The following PRKN variants were observed in gnomAD, a reference collection of about 807,000 sequenced individuals.
PRKN encodes the protein parkin RBR E3 ubiquitin protein ligase.
PRKN carries 56 observed loss-of-function variants against 59.5 expected under a neutral mutation model. The ratio of observed to expected loss-of-function variants is 0.94; its 90% CI spans 0.76 to 1.18. The LOEUF is 1.18. Among genes scored for constraint, PRKN ranks in the 50% most tolerant of loss-of-function variants. PRKN has a pLI of 0.00. For missense variants in PRKN, 657 were observed against 596.4 expected (o/e 1.10, Z -1.06); for synonymous variants, 250 against 222.1 (o/e 1.13, Z -1.12).
intron 4 of PRKN, among the ~76,000 whole-genome samples, chr6:162,163,657 A>G (rs1472988567): frequency 1.3e-5 from 2 of 149,204 alleles, no homozygotes; most frequent in African/African-American, 2.5e-5. Flanking sequence ...AAAGGATCAC[A>G]ACACATTGCA....
chr6:161,943,273 CA>C (rs922792957), intron 6 of PRKN, among the ~76,000 whole-genome samples: 1 of 151,902 alleles, frequency 6.6e-6, no homozygotes, highest in East Asian at 1.9e-4. Context: ...TCAAATAAGA[CA>C]AAAAAAATTA....
chr6:161,988,521 T>TA (rs1231918067), intron 5 of PRKN, among the ~76,000 whole-genome samples: 1 of 151,450 alleles, frequency 6.6e-6, no homozygotes, highest in Non-Finnish European at 1.5e-5. Context: ...AATAAATAAA[T>TA]AAAAAGAAAA....
chr6:162,200,313 C>T (rs904226562), intron 4 of PRKN, among the ~76,000 whole-genome samples: 1 of 152,078 alleles, frequency 6.6e-6, no homozygotes, highest in East Asian at 1.9e-4. Flanking sequence ...CACTTTCTAT[C>T]GGGGTCAGCA....
rs137998460 is a variant in PRKN, at chr6:161,518,084, G to A, written c.1083+30770C>T. 4.1e-3 allele frequency among the ~76,000 whole-genome samples: 629 copies of A among 152,304 alleles called. 5 individuals carry two copies. Among genetic ancestry groups the A allele is most frequent in the African/African-American group, 0.014 (575 of 41,570 alleles). ...ATTTGGCTTCTATGAGGGCATGTGC[G>A]AGTCTAGCTCTCCAGATACCTTAGA... is the stretch of plus-strand genomic sequence containing the variant. On this transcript the variant is annotated intron_variant, in intron 9 of 11. Coordinates refer to ENST00000366898, the MANE Select transcript of PRKN (RefSeq NM_004562.3). The surrounding 1 kb of genome is among the most constrained non-coding windows in gnomAD (Gnocchi z 5.0).
chr6:162,519,426 T>C (rs914235902), intron 1 of PRKN, among the ~76,000 whole-genome samples: 6 of 152,164 alleles, frequency 3.9e-5, no homozygotes, highest in African/African-American at 1.4e-4. Flanking sequence ...TGGATAGCTT[T>C]ATTTTGGGCT....
chr6:161,941,094 GGTC>G (rs1346090148), intron 6 of PRKN, among the ~76,000 whole-genome samples: 1 of 152,224 alleles, frequency 6.6e-6, no homozygotes, highest in African/African-American at 2.4e-5. Context: ...AGGAGGGCAT[GGTC>G]CCTGCCTAGG....
chr6:162,286,238 A>G (rs953517618), intron 2 of PRKN, among the ~76,000 whole-genome samples: 1 of 152,170 alleles, frequency 6.6e-6, no homozygotes, highest in Non-Finnish European at 1.5e-5. Flanking sequence ...TTTATTTGCT[A>G]GCTAATTATT....
chr6:162,548,517 C>CA (rs1779210124), intron 1 of PRKN, among the ~76,000 whole-genome samples: 1 of 151,960 alleles, frequency 6.6e-6, no homozygotes, highest in Non-Finnish European at 1.5e-5. Flanking sequence ...CACATAATCC[C>CA]ATTTATCTCT....
chr6:162,450,374 T>G, intron 1 of PRKN, among the ~76,000 whole-genome samples: 1 of 129,438 alleles, frequency 7.7e-6, no homozygotes, highest in Non-Finnish European at 1.7e-5. Context: ...GCCCCTGTGA[T>G]TGTAATCCCC....
intron 4 of PRKN, 89 bp from the exon 5 acceptor site, chr6:162,054,263 T>C (rs1777769231): frequency 2.4e-6 from 2 of 833,562 alleles, no homozygotes; most frequent in African/African-American, 1.7e-5. Context: ...TATAAAATAA[T>C]AGTGAAATTA....
intron 2 of PRKN, among the ~76,000 whole-genome samples, chr6:162,439,379 T>G (rs1383350132): frequency 6.8e-6 from 1 of 147,746 alleles, no homozygotes; most frequent in East Asian, 2.1e-4. Flanking sequence ...CCTCCCTTCC[T>G]CTCTGCTTCT....
At chr6:162,118,532 T>C (rs1471058797) in intron 4 of PRKN, among the ~76,000 whole-genome samples, 1 of 152,218 alleles carries the variant, frequency 6.6e-6, no homozygotes, top group Non-Finnish European at 1.5e-5. Context: ...GCTTCATTTT[T>C]ACAAACACAT....
chr6:161,570,193 T>G (rs1410178988), intron 7 of PRKN, among the ~76,000 whole-genome samples: 1 of 121,328 alleles, frequency 8.2e-6, no homozygotes, highest in South Asian at 2.5e-4. Context: ...ACAATTAAAA[T>G]ACGTATGTAT....
chr6:162,447,228 C>T (rs1442025841), intron 1 of PRKN, among the ~76,000 whole-genome samples: 2 of 152,186 alleles, frequency 1.3e-5, no homozygotes, highest in African/African-American at 4.8e-5. Flanking sequence ...CCTTTGCTTG[C>T]ATGGTAACTA....
At chr6:161,972,243 C>T (rs576376867) in intron 6 of PRKN, among the ~76,000 whole-genome samples, 2 of 147,966 alleles carry the variant, frequency 1.4e-5, no homozygotes, top group South Asian at 2.1e-4. Flanking sequence ...CATTGCACTC[C>T]AGCCTGAGCA....
At chr6:161,811,561 A>G (rs1212814205) in intron 6 of PRKN, among the ~76,000 whole-genome samples, 1 of 152,182 alleles carries the variant, frequency 6.6e-6, no homozygotes, top group East Asian at 1.9e-4. Flanking sequence ...TGTCCCTTAC[A>G]TCACACCAAA....
At chr6:161,745,413 G>T (rs1280121898) in intron 7 of PRKN, among the ~76,000 whole-genome samples, 1 of 152,094 alleles carries the variant, frequency 6.6e-6, no homozygotes, top group Non-Finnish European at 1.5e-5. Context: ...CTTTTCAGAG[G>T]ATGCTGACCT....
intron 1 of PRKN, among the ~76,000 whole-genome samples, chr6:162,723,639 T>C (rs966340738): frequency 9.2e-5 from 14 of 152,224 alleles, no homozygotes; most frequent in African/African-American, 3.1e-4. Flanking sequence ...CAACTTATTT[T>C]GGAAAAATTT....
intron 9 of PRKN, among the ~76,000 whole-genome samples, chr6:161,416,662 T>C (rs1333754053): frequency 1.3e-5 from 2 of 152,102 alleles, no homozygotes; most frequent in Admixed American, 6.5e-5. Flanking sequence ...TATTTGCTCA[T>C]AAAAACCAGG....
Sources: gnomAD v4.1 joint callset for allele counts (sites outside exome capture counted in the v4.1 genomes callset) on GRCh38, gnomAD v4.1.1 for gene constraint, Gnocchi (gnomAD v3.1) non-coding constraint, MANE v1.5 for transcripts, NCBI Gene and HGNC (gene_info 2026-07-23, HGNC 2026-07-21) for gene names.